Variants in PSD3 observed in about 807,000 individuals in gnomAD.
PSD3 encodes the protein PH and SEC7 domain-containing protein 3.
PSD3 carries 49 observed loss-of-function variants against 105.5 expected under a neutral mutation model. That is an observed-to-expected ratio of 0.46 (90% confidence interval 0.37 to 0.59). The LOEUF (loss-of-function observed/expected upper bound fraction) is 0.59. PSD3 is among the 20% of genes least tolerant of loss of function. The pLI is 0.00. For synonymous variants in PSD3, 557 were observed against 457.8 expected (o/e 1.22, Z -2.77); for missense variants, 1,561 against 1,263.8 (o/e 1.24, Z -3.57).
At chr8:18,599,797 G>C (rs768272822) in intron 12 of PSD3, among the ~76,000 whole-genome samples, 2 of 152,116 alleles carry the variant, frequency 1.3e-5, no homozygotes, top group Admixed American at 6.6e-5. Flanking sequence ...TGGGGACTTT[G>C]GTATTTAAGG....
At chr8:18,776,932 T>C (rs1033853022) in intron 8 of PSD3, among the ~76,000 whole-genome samples, 3 of 152,200 alleles carry the variant, frequency 2.0e-5, no homozygotes, top group East Asian at 1.9e-4. Flanking sequence ...GAGTCTCTAA[T>C]GATTTTGTGT....
rs764890711 is a variant in PSD3, at chr8:18,535,808, G to A, written c.3079C>T (p.Arg1027Cys). The A allele has an allele frequency of 4.3e-6, 7 of 1,614,062 alleles. No individual in the cohort carries two copies. The highest frequency in any genetic ancestry group is 2.2e-5 in the South Asian group (2 of 91,086). ...TGATCCTTCCTCTCTGACACGTTAC[G>A]CTTGACTTTGGCAGTGATTGGAGAA... ...DTSPITAKVK[R>C]NVSERKDHRP... Residue 1027 changes from arginine to cysteine, a missense_variant, in exon 16 of 16, where the codon CGT (arginine) becomes TGT (cysteine). Transcript: ENST00000327040.
At position 18,907,826 on chromosome 8, in the gene PSD3, C is replaced by T. The variant is rs73582663; in HGVS notation, c.130+28208G>A. On this transcript the variant is annotated intron_variant, in intron 2 of 15. Transcript: ENST00000327040. ...ATAACAAACAGTAACATTAATGATA[C>T]ATAGTTGCCGCATTTCAATTTCCTT... 6.0e-3 allele frequency among the ~76,000 whole-genome samples: 915 copies of T among 152,320 alleles called. 7 individuals are homozygous for T. The highest frequency in any genetic ancestry group is 0.021 in the African/African-American group (870 of 41,568).
chr8:18,829,138 T>C (rs1257121588), intron 4 of PSD3, among the ~76,000 whole-genome samples: 1 of 152,046 alleles, frequency 6.6e-6, no homozygotes, highest in Non-Finnish European at 1.5e-5. Flanking sequence ...TCTCAGCTCC[T>C]AACGAGGCTG....
intron 2 of PSD3, among the ~76,000 whole-genome samples, chr8:18,891,043 T>G (rs1818752755): frequency 6.6e-6 from 1 of 152,124 alleles, no homozygotes; most frequent in African/African-American, 2.4e-5. Context: ...CAGGTCTCTG[T>G]CAGTCCCTGT....
intron 1 of PSD3, among the ~76,000 whole-genome samples, chr8:19,034,366 G>A (rs1343617930): frequency 6.6e-6 from 1 of 152,142 alleles, no homozygotes; most frequent in East Asian, 1.9e-4. Context: ...GGAATCATAT[G>A]GACCTGGAAA....
chr8:18,935,879 G>A (rs751150348), intron 2 of PSD3, among the ~76,000 whole-genome samples, 155 bp downstream of exon 2: 1 of 152,144 alleles, frequency 6.6e-6, no homozygotes, highest in African/African-American at 2.4e-5. Context: ...AAATATTTGC[G>A]GATTCTACAT....
chr8:18,564,747 C>A (rs184363308), intron 14 of PSD3, among the ~76,000 whole-genome samples: 19 of 152,156 alleles, frequency 1.2e-4, no homozygotes, highest in Non-Finnish European at 2.5e-4. Flanking sequence ...ACCTCCTCCC[C>A]TGAAATCCCA....
At chr8:18,958,429 TG>T (rs1345901959) in intron 1 of PSD3, among the ~76,000 whole-genome samples, 2 of 152,234 alleles carry the variant, frequency 1.3e-5, no homozygotes, top group Admixed American at 6.5e-5. Context: ...TACTTTCTTT[TG>T]GGGGAATATC....
intron 9 of PSD3, among the ~76,000 whole-genome samples, chr8:18,691,500 A>G (rs1457513659): frequency 3.9e-5 from 6 of 152,242 alleles, no homozygotes; most frequent in African/African-American, 1.4e-4. Flanking sequence ...TATATACCTG[A>G]GGCATTATAA....
chr8:18,893,654 C>T (rs534300841), intron 2 of PSD3, among the ~76,000 whole-genome samples: 1 of 151,558 alleles, frequency 6.6e-6, no homozygotes, highest in East Asian at 1.9e-4. Context: ...CAGGCCCAGG[C>T]CCAGGAGCAG....
intron 9 of PSD3, among the ~76,000 whole-genome samples, chr8:18,671,490 G>C (rs373140623): frequency 2.0e-5 from 3 of 152,260 alleles, no homozygotes; most frequent in South Asian, 4.1e-4. Flanking sequence ...GTTATGATCT[G>C]AGTGAATCAC....
At chr8:19,036,248 A>T (rs1827939937) in intron 1 of PSD3, among the ~76,000 whole-genome samples, 1 of 152,084 alleles carries the variant, frequency 6.6e-6, no homozygotes. Flanking sequence ...ATCTCCCCAA[A>T]TCTTGTCAAC....
At chr8:18,770,251 T>C (rs2129444214) in intron 8 of PSD3, among the ~76,000 whole-genome samples, 1 of 152,342 alleles carries the variant, frequency 6.6e-6, no homozygotes, top group East Asian at 1.9e-4. Context: ...CATGTGCTAA[T>C]TATCCATTTG....
chr8:19,011,234 T>G (rs2129475346), intron 1 of PSD3, among the ~76,000 whole-genome samples: 1 of 152,332 alleles, frequency 6.6e-6, no homozygotes, highest in Non-Finnish European at 1.5e-5. Context: ...ATTCACATGG[T>G]TTTGCCTCAG....
intron 1 of PSD3, among the ~76,000 whole-genome samples, chr8:18,983,883 G>GTCCCAGCT (rs1825365797): frequency 6.6e-6 from 1 of 151,544 alleles, no homozygotes. Context: ...ATGTGCTGTA[G>GTCCCAGCT]TCCCAGCTAC....
chr8:18,734,723 T>C (rs1804019251), intron 9 of PSD3, among the ~76,000 whole-genome samples: 1 of 152,226 alleles, frequency 6.6e-6, no homozygotes, highest in African/African-American at 2.4e-5. Context: ...TTAGAATATC[T>C]TCAAGACCCT....
At chr8:18,755,934 C>T (rs1308349351) in intron 9 of PSD3, among the ~76,000 whole-genome samples, 3 of 152,148 alleles carry the variant, frequency 2.0e-5, no homozygotes, top group Non-Finnish European at 2.9e-5. Context: ...GCCAGACCTC[C>T]ACGGGGAGGG....
intron 15 of PSD3, among the ~76,000 whole-genome samples, chr8:18,538,086 A>T (rs566063326): frequency 6.6e-6 from 1 of 152,226 alleles, no homozygotes; most frequent in African/African-American, 2.4e-5. Flanking sequence ...GCACCTGAGG[A>T]AAAATGGAAA....
Sources: gnomAD v4.1 joint callset for allele counts (sites outside exome capture counted in the v4.1 genomes callset) on GRCh38, gnomAD v4.1.1 for gene constraint, MANE v1.5 for transcripts, NCBI Gene and HGNC (gene_info 2026-07-23, HGNC 2026-07-21) for gene names.